KLF12: variants seen among roughly 807,000 people sequenced by gnomAD.
The protein encoded by KLF12 is KLF transcription factor 12.
KLF12 carries 9 observed loss-of-function variants against 37.8 expected under a neutral mutation model. The observed-to-expected ratio is 0.24, with a 90% confidence interval of 0.14 to 0.42. The LOEUF (loss-of-function observed/expected upper bound fraction) is 0.42. Among genes scored for constraint, KLF12 ranks in the 10% least tolerant of loss-of-function variants. KLF12 has a pLI of 1.00. For missense variants in KLF12, 411 were observed against 516.0 expected, an observed-to-expected ratio of 0.80 and a Z score of 1.97; for synonymous variants, 208 against 202.1, an observed-to-expected ratio of 1.03 and a Z score of -0.25.
At chr13:74,257,722 A>C in the KLF12 span, 1 of 152,220 alleles carries the variant, frequency 6.6e-6, no homozygotes, top group Non-Finnish European at 1.5e-5. Context: ...TACACATCTG[A>C]TTTTGTGAAC....
At chr13:73,713,943 A>G (rs1875601238) in intron 7 of KLF12, among the ~76,000 whole-genome samples, 1 of 152,204 alleles carries the variant, frequency 6.6e-6, no homozygotes, top group Non-Finnish European at 1.5e-5. Flanking sequence ...CTATAAAGTC[A>G]GTAATATGGT....
At chr13:74,237,694 C>T in the KLF12 span, among the ~76,000 whole-genome samples, 1 of 151,906 alleles carries the variant, frequency 6.6e-6, no homozygotes, top group Admixed American at 6.5e-5. Context: ...ATTTTATTCT[C>T]TTTGAAGCAA....
At chr13:73,974,213 C>G (rs986374383) in intron 2 of KLF12, among the ~76,000 whole-genome samples, 8 of 151,408 alleles carry the variant, frequency 5.3e-5, no homozygotes, top group African/African-American at 1.9e-4. Context: ...CTTTCCCTAA[C>G]ACGAAGAACA....
At chr13:73,783,196 T>A (rs1881085060) in intron 5 of KLF12, among the ~76,000 whole-genome samples, 1 of 151,742 alleles carries the variant, frequency 6.6e-6, no homozygotes, top group South Asian at 2.1e-4. Flanking sequence ...GGAACTGAGG[T>A]CATTATGTTC....
At chr13:74,279,071 A>T in the KLF12 span, among the ~76,000 whole-genome samples, 3 of 152,132 alleles carry the variant, frequency 2.0e-5, no homozygotes, top group African/African-American at 4.8e-5. Flanking sequence ...GTATCCTTTG[A>T]CTACATCCAT....
intron 6 of KLF12, among the ~76,000 whole-genome samples, chr13:73,732,240 C>T (rs939245357): frequency 1.3e-5 from 2 of 151,858 alleles, no homozygotes; most frequent in Non-Finnish European, 2.9e-5. Flanking sequence ...CCCACCACCA[C>T]ACCTGGCTAA....
chr13:74,090,094 TGCA>T (rs2138812450), intron 1 of KLF12, among the ~76,000 whole-genome samples: 1 of 152,138 alleles, frequency 6.6e-6, no homozygotes, highest in South Asian at 2.1e-4. Flanking sequence ...TCAGCAAAGT[TGCA>T]GAATACTAAC....
chr13:74,144,026 T>C, the KLF12 span, among the ~76,000 whole-genome samples: 1 of 152,210 alleles, frequency 6.6e-6, no homozygotes, highest in Non-Finnish European at 1.5e-5. Flanking sequence ...ACATACAGTC[T>C]GTCTGTGTCT....
chr13:73,709,149 TTTCTA>T (rs1875175148), intron 7 of KLF12, among the ~76,000 whole-genome samples: 1 of 152,212 alleles, frequency 6.6e-6, no homozygotes, highest in Admixed American at 6.5e-5. Context: ...AGCATTTCTT[TTTCTA>T]TTCTAAATTC....
chr13:74,218,962 G>GT, the KLF12 span, among the ~76,000 whole-genome samples: 14 of 120,168 alleles, frequency 1.2e-4, no homozygotes, highest in African/African-American at 4.4e-4. Flanking sequence ...AAAAATAAGA[G>GT]TTTTTTTTTT....
At chr13:74,064,502 G>A (rs2138666821) in intron 1 of KLF12, among the ~76,000 whole-genome samples, 1 of 152,280 alleles carries the variant, frequency 6.6e-6, no homozygotes, top group East Asian at 1.9e-4. Flanking sequence ...AAAATTTGGT[G>A]TTGATGATAC....
intron 3 of KLF12, among the ~76,000 whole-genome samples, chr13:73,890,817 T>G (rs1010369296): frequency 2.6e-5 from 4 of 152,096 alleles, no homozygotes; most frequent in African/African-American, 9.7e-5. Context: ...ACCAACCCAC[T>G]CTTGGTTCTG....
Position 73,695,416 on chromosome 13 carries a change from G to T in KLF12, c.*74C>A. 7.1e-7 allele frequency: 1 copy of T among 1,411,464 alleles called. No homozygotes were observed. 87.4% of individuals were successfully genotyped at this position (1,411,464 alleles called of 1,614,324 possible). On this transcript the variant is annotated 3_prime_UTR_variant, in exon 8 of 8. Transcript: ENST00000377669. ...TGCCCTTTTGTGTTAACACTGTGAA[G>T]GGGATTCAGCCCTGCTGAATTGGGT...
the KLF12 span, among the ~76,000 whole-genome samples, chr13:74,233,862 G>A: frequency 6.6e-6 from 1 of 152,042 alleles, no homozygotes; most frequent in African/African-American, 2.4e-5. Context: ...AAAATCATTT[G>A]CTTTCTATAT....
At position 74,133,823 on chromosome 13, in the gene KLF12, A is replaced by ACG. The variant is rs1221949074; in HGVS notation, c.-118_-117dup. On this transcript the variant is annotated 5_prime_UTR_variant, in exon 1 of 8. Coordinates refer to ENST00000377669, the MANE Select transcript of KLF12 (RefSeq NM_007249.5). ...CTCTCTCTCCCTTTCTCTCTCTCAC[A>ACG]CGCGCGCGCGCACACACACACACAC... 2.7e-5 allele frequency among the ~76,000 whole-genome samples: 2 copies of ACG among 72,734 alleles called. No individual in the cohort carries two copies. Among genetic ancestry groups the ACG allele is most frequent in the African/African-American group, 3.7e-5 (1 of 26,798 alleles). The allele number at this position is 72,734 out of a possible 152,430, so 47.7% of individuals were successfully genotyped here. A position where few individuals can be genotyped will look rare whatever the true frequency, so the allele number is the denominator to read the frequency against.
At chr13:73,843,484 T>C (rs1884853365) in intron 4 of KLF12, among the ~76,000 whole-genome samples, 1 of 152,088 alleles carries the variant, frequency 6.6e-6, no homozygotes, top group Non-Finnish European at 1.5e-5. Flanking sequence ...ATTTTTTGTA[T>C]CTTTAGTAGA....
the KLF12 span, among the ~76,000 whole-genome samples, chr13:74,270,806 A>C: frequency 1.8e-4 from 27 of 152,072 alleles, no homozygotes; most frequent in African/African-American, 6.0e-4. Context: ...TGGACTATGC[A>C]CTTAATCTGT....
At chr13:74,189,701 A>G in the KLF12 span, among the ~76,000 whole-genome samples, 2 of 152,120 alleles carry the variant, frequency 1.3e-5, no homozygotes, top group Non-Finnish European at 2.9e-5. Context: ...GAGATATTTC[A>G]CTCATATATA....
At chr13:74,140,723 AATC>A in the KLF12 span, among the ~76,000 whole-genome samples, 1 of 152,106 alleles carries the variant, frequency 6.6e-6, no homozygotes, top group South Asian at 2.1e-4. Flanking sequence ...CTCGCTAAGA[AATC>A]ATGAGAAACT....
Sources: allele counts gnomAD v4.1 joint callset (sites outside exome capture counted in the v4.1 genomes callset), GRCh38; gene constraint gnomAD v4.1.1; transcripts MANE v1.5; gene names NCBI Gene and HGNC (gene_info 2026-07-23, HGNC 2026-07-21).